RNGTT: variants seen among roughly 807,000 people sequenced by gnomAD.
The protein encoded by RNGTT is RNA guanylyltransferase and 5'-phosphatase.
Under a neutral mutation model 79.3 loss-of-function variants are expected in RNGTT, and 33 were observed. The observed-to-expected ratio is 0.42, with a 90% confidence interval of 0.32 to 0.56. The LOEUF is 0.56. Ranked by LOEUF, RNGTT falls within the 20% of genes least tolerant of loss-of-function variation. The pLI, the probability that RNGTT is intolerant of heterozygous loss-of-function variation, is 0.17. For synonymous variants in RNGTT, 222 were observed against 235.9 expected (o/e 0.94, Z 0.54); for missense variants, 497 against 739.1 (o/e 0.67, Z 3.80).
chr6:88,647,139 T>C (rs1052923187), intron 14 of RNGTT, among the ~76,000 whole-genome samples: 1 of 152,120 alleles, frequency 6.6e-6, no homozygotes, highest in Non-Finnish European at 1.5e-5. Context: ...GCAAATTCTA[T>C]TATAGGGCAG....
intron 1 of RNGTT, among the ~76,000 whole-genome samples, chr6:88,957,096 A>G (rs530030614): frequency 6.6e-6 from 1 of 152,284 alleles, no homozygotes; most frequent in Admixed American, 6.5e-5. Flanking sequence ...AAAAACAAAA[A>G]TCACATGATC....
At chr6:88,800,178 T>C (rs1292151053) in intron 12 of RNGTT, among the ~76,000 whole-genome samples, 1 of 152,172 alleles carries the variant, frequency 6.6e-6, no homozygotes, top group Non-Finnish European at 1.5e-5. Flanking sequence ...TTTACATGCA[T>C]AGGTTGAATA....
In RNGTT at chr6:88,853,734, T is replaced by G; in HGVS notation, c.927A>C (p.Glu309Asp). The stretch of plus-strand genomic sequence containing the variant: ...AATTGTCTCTATCAATCATAAAAAC[T>G]TCATTTGTGCCATCAATCAACATCA... Reference protein sequence around the residue: ...RYMMLIDGTNEVFMIDRDNSV... With the variant: ...RYMMLIDGTNDVFMIDRDNSV... The change falls in exon 9 of 16, where the codon GAA becomes GAC. Residue 309 changes from glutamate to aspartate, a missense_variant. By Grantham distance (45) the Glu-to-Asp change is conservative. This residue lies in a region of RNGTT where 440 missense variants were observed against 671.5 expected (regional missense o/e 0.66). Transcript: ENST00000369485. The G allele has an allele frequency of 6.4e-7, 1 of 1,571,068 alleles. No homozygotes were observed. Among genetic ancestry groups the G allele is most frequent in the Non-Finnish European group, 8.7e-7 (1 of 1,151,900 alleles).
At position 88,904,797 on chromosome 6, in the gene RNGTT, T is replaced by C. The variant is rs1235450506; in HGVS notation, c.602A>G (p.Asp201Gly). ...TTCCTTCTTTCCATCCTCATCCTCA[T>C]CTTCGTCTTCATCATCCTCAAAACA... ...DWCFEDDEDE[D>G]EDEDGKKESE... Residue 201 changes from aspartate to glycine, a missense_variant, in exon 6 of 16, where the codon GAT becomes GGT. Coordinates refer to ENST00000369485, the MANE Select transcript of RNGTT (RefSeq NM_003800.5). The C allele has an allele frequency of 1.2e-6, 2 of 1,614,150 alleles. No homozygotes were observed. Among genetic ancestry groups the C allele is most frequent in the South Asian group, 2.2e-5 (2 of 91,080 alleles).
rs569060933 is a variant in RNGTT at position 88,935,071 on chromosome 6, T to C, written c.175-5804A>G. Among the ~76,000 whole-genome samples, 22 of 152,332 alleles carry C rather than the reference T, an allele frequency of 1.4e-4. No homozygotes were observed. The South Asian group carries it at 3.3e-3, about 23-fold the overall frequency. Reference sequence around the variant, plus strand: ...CTGTTTTCTGCTTTCAGGTCTTACATTTAAAGTCTTTAATCCATCTTGATT... The same window carrying C: ...CTGTTTTCTGCTTTCAGGTCTTACACTTAAAGTCTTTAATCCATCTTGATT... On this transcript the variant is annotated intron_variant, in intron 2 of 15. Coordinates refer to ENST00000369485, the MANE Select transcript of RNGTT (RefSeq NM_003800.5).
intron 14 of RNGTT, among the ~76,000 whole-genome samples, chr6:88,641,227 TAC>T (rs1337440879): frequency 6.6e-6 from 1 of 151,524 alleles, no homozygotes; most frequent in Non-Finnish European, 1.5e-5. Context: ...TAATCCCAGC[TAC>T]TCAGGAAGCT....
chr6:88,922,867 A>C (rs901081471), intron 4 of RNGTT, among the ~76,000 whole-genome samples: 1 of 152,170 alleles, frequency 6.6e-6, no homozygotes, highest in Non-Finnish European at 1.5e-5. Flanking sequence ...AGGTATCTCA[A>C]GTGTCCCTGA....
chr6:88,809,503 C>T (rs373285960), intron 11 of RNGTT, among the ~76,000 whole-genome samples: 6 of 151,838 alleles, frequency 4.0e-5, no homozygotes, highest in African/African-American at 1.5e-4. Flanking sequence ...TTCCTAAATG[C>T]GTACAACACA....
intron 14 of RNGTT, among the ~76,000 whole-genome samples, chr6:88,674,174 A>C (rs553367939): frequency 6.6e-6 from 1 of 152,218 alleles, no homozygotes; most frequent in East Asian, 1.9e-4. Flanking sequence ...GAACGTTTAG[A>C]TTTAGGTTAA....
intron 2 of RNGTT, among the ~76,000 whole-genome samples, chr6:88,932,615 G>A (rs184344642): frequency 4.1e-4 from 62 of 152,116 alleles, no homozygotes; most frequent in African/African-American, 1.2e-3. Context: ...CAGACCGGCC[G>A]ACATTTAGGG....
rs149830478 is a variant in RNGTT, at chr6:88,754,203, G to T, written c.1439+15571C>A. On this transcript the variant is annotated intron_variant, in intron 13 of 15. Transcript: ENST00000369485. The stretch of plus-strand genomic sequence containing the variant: ...AATCCAAGTGTCTACTGAGTAAAGT[G>T]AGGTATGAAATTCGAGGGCTTCCTA... Among the ~76,000 whole-genome samples the T allele has an allele frequency of 2.3e-3, 343 of 152,252 alleles. 1 individual carries two copies. Among genetic ancestry groups the T allele is most frequent in the Non-Finnish European group, 3.2e-3 (215 of 67,996 alleles).
chr6:88,847,519 T>C (rs981617216), intron 10 of RNGTT, among the ~76,000 whole-genome samples: 8 of 152,236 alleles, frequency 5.3e-5, no homozygotes, highest in Middle Eastern at 3.4e-3. Context: ...AAAGACTCCA[T>C]AGTAAATTAA....
intron 13 of RNGTT, among the ~76,000 whole-genome samples, chr6:88,716,276 C>T (rs1160280405): frequency 6.6e-6 from 1 of 151,860 alleles, no homozygotes; most frequent in Non-Finnish European, 1.5e-5. Flanking sequence ...GATACCATCT[C>T]ACACCAGTTA....
At chr6:88,743,064 TAAG>T (rs748876844) in intron 13 of RNGTT, among the ~76,000 whole-genome samples, 4 of 152,082 alleles carry the variant, frequency 2.6e-5, no homozygotes, top group Non-Finnish European at 5.9e-5. Flanking sequence ...AATAATAACA[TAAG>T]AAGTAAACAT....
chr6:88,723,611 A>C (rs907762393), intron 13 of RNGTT, among the ~76,000 whole-genome samples: 4 of 152,260 alleles, frequency 2.6e-5, no homozygotes, highest in African/African-American at 7.2e-5. Flanking sequence ...CAAAAAAGTA[A>C]AATTGAAAAA....
intron 14 of RNGTT, among the ~76,000 whole-genome samples, chr6:88,671,852 A>G (rs1774653611): frequency 6.6e-6 from 1 of 152,138 alleles, no homozygotes; most frequent in African/African-American, 2.4e-5. Flanking sequence ...CAGAGTGGGA[A>G]AAAGTGCTGA....
chr6:88,858,756 C>T lies in RNGTT; in HGVS notation c.897-4992G>A, dbSNP rs149456190. Among the ~76,000 whole-genome samples the T allele has an allele frequency of 2.2e-4, 34 of 152,140 alleles. No individual in the cohort carries two copies. The East Asian group carries it at 6.6e-3, about 29-fold the overall frequency. ...GTACACCCTCTACAGTATACTAACC[C>T]TCACATTCAATATGTAGGAGTCAAC... is the stretch of plus-strand genomic sequence containing the variant. On this transcript the variant is annotated intron_variant, in intron 8 of 15. Coordinates refer to ENST00000369485, the MANE Select transcript of RNGTT (RefSeq NM_003800.5).
chr6:88,621,098 C>A (rs1772427008), intron 14 of RNGTT, among the ~76,000 whole-genome samples: 1 of 152,102 alleles, frequency 6.6e-6, no homozygotes, highest in South Asian at 2.1e-4. Context: ...GTGTATGAGG[C>A]AACATGAACC....
At chr6:88,932,325 C>T (rs1470039639) in intron 2 of RNGTT, among the ~76,000 whole-genome samples, 1 of 152,158 alleles carries the variant, frequency 6.6e-6, no homozygotes, top group Admixed American at 6.5e-5. Flanking sequence ...TCGGTGACAA[C>T]GTGTGCACAG....
Sources: gnomAD v4.1 joint callset for allele counts (sites outside exome capture counted in the v4.1 genomes callset) on GRCh38, gnomAD v4.1.1 for gene constraint, gnomAD v4.1.1 regional missense constraint, MANE v1.5 for transcripts, NCBI Gene and HGNC (gene_info 2026-07-23, HGNC 2026-07-21) for gene names.